ANK1: variants seen among roughly 807,000 people sequenced by gnomAD.
ANK1 encodes the protein ankyrin-1.
ANK1 carries 51 observed loss-of-function variants against 210.4 expected under a neutral mutation model. The observed-to-expected ratio is 0.24, with a 90% CI of 0.19 to 0.31. The LOEUF is 0.31. Ranked by LOEUF, ANK1 falls within the 10% of genes least tolerant of loss-of-function variation. The pLI is 1.00. For synonymous variants in ANK1, 967 were observed against 1,025.9 expected (o/e 0.94, Z 1.10); for missense variants, 2,051 against 2,504.4 (o/e 0.82, Z 3.86).
intron 2 of ANK1, among the ~76,000 whole-genome samples, chr8:41,743,203 G>A (rs1185712496): frequency 1.3e-5 from 2 of 152,120 alleles, no homozygotes; most frequent in Non-Finnish European, 2.9e-5. Flanking sequence ...GGAAAAGAAG[G>A]ACTGGAGTGA....
chr8:41,706,917 G>A (rs1824748127), intron 17 of ANK1, among the ~76,000 whole-genome samples: 1 of 152,144 alleles, frequency 6.6e-6, no homozygotes, highest in Non-Finnish European at 1.5e-5. Context: ...TGGCCAACAT[G>A]GTGAGACCTC....
intron 1 of ANK1, among the ~76,000 whole-genome samples, chr8:41,887,163 G>A (rs568450851): frequency 4.6e-5 from 7 of 150,844 alleles, no homozygotes; most frequent in African/African-American, 9.8e-5. Context: ...CAGGTGGGGC[G>A]TCCTCTGCTT....
At chr8:41,707,178 C>T (rs563994654) in intron 17 of ANK1, among the ~76,000 whole-genome samples, 9 of 152,204 alleles carry the variant, frequency 5.9e-5, no homozygotes, top group Admixed American at 3.9e-4. Context: ...CAGAGCATCC[C>T]GCCAGGATTG....
chr8:41,835,438 C>T (rs563776221), intron 1 of ANK1, among the ~76,000 whole-genome samples: 1 of 151,774 alleles, frequency 6.6e-6, no homozygotes, highest in Admixed American at 6.5e-5. Context: ...GGAGACACAG[C>T]GAGACTCCGT....
At chr8:41,762,914 AAAG>A (rs1563699883) in intron 1 of ANK1, among the ~76,000 whole-genome samples, 1 of 152,208 alleles carries the variant, frequency 6.6e-6, no homozygotes, top group Non-Finnish European at 1.5e-5. Flanking sequence ...TCCAGGAAGA[AAAG>A]AAGAATATTT....
At chr8:41,801,759 C>A (rs940761926), upstream of ANK1, among the ~76,000 whole-genome samples, 2 of 152,098 alleles carry the variant, frequency 1.3e-5, no homozygotes, top group African/African-American at 4.8e-5. Context: ...AGTCTGAATA[C>A]GAATCATTTT....
At chr8:41,848,187 AAAATAAAT>A (rs10632156) in intron 1 of ANK1, among the ~76,000 whole-genome samples, 1,551 of 142,948 alleles carry the variant, frequency 0.011, 11 homozygotes, top group Non-Finnish European at 0.014. Context: ...CTCAATTTCA[AAAATAAAT>A]AAATAAATAA....
intron 1 of ANK1, among the ~76,000 whole-genome samples, chr8:41,819,208 C>T (rs950420161): frequency 6.6e-6 from 1 of 152,198 alleles, no homozygotes; most frequent in Non-Finnish European, 1.5e-5. Context: ...TCGGTGTCCA[C>T]GCTTCTTAAA....
chr8:41,887,953 G>C (rs1473015373), intron 1 of ANK1, among the ~76,000 whole-genome samples: 1 of 152,236 alleles, frequency 6.6e-6, no homozygotes, highest in Non-Finnish European at 1.5e-5. Flanking sequence ...TTCTGGGTGG[G>C]ACCATCAGCA....
chr8:41,740,385 C>T (rs144346927), intron 2 of ANK1, among the ~76,000 whole-genome samples: 2 of 151,990 alleles, frequency 1.3e-5, no homozygotes, highest in African/African-American at 2.4e-5. Flanking sequence ...GTCTCGAACT[C>T]CTGAACTTAG....
At chr8:41,687,687 C>T (rs1319259336) in intron 35 of ANK1, among the ~76,000 whole-genome samples, 1 of 152,220 alleles carries the variant, frequency 6.6e-6, no homozygotes, top group Non-Finnish European at 1.5e-5. Flanking sequence ...TTGCCACTCA[C>T]ATTGGGCAAT....
At chr8:41,831,427 C>G (rs1244051808) in intron 1 of ANK1, among the ~76,000 whole-genome samples, 2 of 152,094 alleles carry the variant, frequency 1.3e-5, no homozygotes, top group Non-Finnish European at 2.9e-5. Flanking sequence ...GTGGGCGGAT[C>G]ACTTGAAGTC....
intron 1 of ANK1, among the ~76,000 whole-genome samples, chr8:41,777,247 G>C (rs1167303194): frequency 1.3e-5 from 2 of 152,012 alleles, no homozygotes; most frequent in East Asian, 1.9e-4. Flanking sequence ...GGTGTCTAGG[G>C]GGCCCCCTCT....
At chr8:41,796,161 T>G (rs1024512636) in intron 1 of ANK1, among the ~76,000 whole-genome samples, 19 of 152,192 alleles carry the variant, frequency 1.2e-4, no homozygotes, top group African/African-American at 4.6e-4. Flanking sequence ...TTGCTAATGT[T>G]TTCATAACCG....
In ANK1 at chr8:41,702,143, T is replaced by C. The variant is rs1434687406; in HGVS notation, c.2297A>G (p.Asp766Gly). 1 of 1,613,910 alleles carries C rather than the reference T, an allele frequency of 6.2e-7. No homozygotes were observed. Among genetic ancestry groups the C allele is most frequent in the Non-Finnish European group, 8.5e-7 (1 of 1,179,908 alleles). Residue 766 changes from aspartate to glycine, a missense_variant and splice_region_variant, in exon 21 of 43, where the codon GAT becomes GGT. Physicochemically the swap from Asp to Gly is moderately conservative, Grantham distance 94. This residue lies in a region of ANK1 where 1,413 missense variants were observed against 1,707.4 expected (regional missense o/e 0.83). Coordinates refer to ENST00000289734, the MANE Select transcript of ANK1 (RefSeq NM_000037.4). Reference sequence around the variant, plus strand: ...GGCTATGGCCAGAGGTGTGGTTCCATCCTGGGGAAAGAGCAGCCCGGGTGC... The same window carrying C: ...GGCTATGGCCAGAGGTGTGGTTCCACCCTGGGGAAAGAGCAGCCCGGGTGC... Reference protein sequence around the residue: ...NGASPNEVSSDGTTPLAIAKR... With the variant: ...NGASPNEVSSGGTTPLAIAKR...
chr8:41,825,799 T>TA (rs1331594352), intron 1 of ANK1, among the ~76,000 whole-genome samples: 2 of 152,304 alleles, frequency 1.3e-5, no homozygotes, highest in East Asian at 3.9e-4. Context: ...AAATAAGTCT[T>TA]ACGAGATCTG....
chr8:41,697,987 G>C (rs1821579600), intron 24 of ANK1, 56 bp downstream of exon 24: 10 of 1,556,670 alleles, frequency 6.4e-6, no homozygotes, highest in Non-Finnish European at 8.8e-6. Flanking sequence ...AACAATCACT[G>C]TCCCAGGGTT....
chr8:41,702,901 C>T (rs1823255394), intron 20 of ANK1, among the ~76,000 whole-genome samples: 1 of 152,150 alleles, frequency 6.6e-6, no homozygotes, highest in Non-Finnish European at 1.5e-5. Context: ...CTCACTGTAA[C>T]CTCTGCCTCC....
intron 1 of ANK1, among the ~76,000 whole-genome samples, chr8:41,868,545 C>T (rs142129865): frequency 2.0e-5 from 3 of 152,320 alleles, no homozygotes; most frequent in Non-Finnish European, 2.9e-5. Flanking sequence ...GAAATGTTCA[C>T]GGCATTTATT....
Sources: gnomAD v4.1 joint callset for allele counts (sites outside exome capture counted in the v4.1 genomes callset) on GRCh38, gnomAD v4.1.1 for gene constraint, gnomAD v4.1.1 regional missense constraint, MANE v1.5 for transcripts, NCBI Gene and HGNC (gene_info 2026-07-23, HGNC 2026-07-21) for gene names.